NUP210L: variants seen among roughly 807,000 people sequenced by gnomAD.
NUP210L encodes nuclear pore membrane glycoprotein 210-like.
Under a neutral mutation model 208.5 loss-of-function variants are expected in NUP210L, and 74 were observed. The ratio of observed to expected loss-of-function variants is 0.35; its 90% CI spans 0.29 to 0.43. NUP210L has a LOEUF of 0.43. Ranked by LOEUF, NUP210L falls within the 20% of genes least tolerant of loss-of-function variation. NUP210L has a pLI of 1.00. For missense variants in NUP210L, 1,843 were observed against 2,289.4 expected (o/e 0.81, Z 3.98); for synonymous variants, 780 against 816.9 (o/e 0.95, Z 0.77).
rs139247987 is a variant in NUP210L at position 154,012,734 on chromosome 1, G to A, written c.4654-364C>T. 7.5e-3 allele frequency among the ~76,000 whole-genome samples: 1,134 copies of A among 151,966 alleles called. 13 individuals carry two copies. The highest frequency in any genetic ancestry group is 0.026 in the African/African-American group (1,090 of 41,456). On this transcript the variant is annotated intron_variant, in intron 33 of 39. Transcript: ENST00000368559. ...ACAAAAGACGGGGTCAGCCGCGCGC[G>A]GTGGCTCACGTCTGTAATCCCAGCA...
At chr1:154,111,395 A>T (rs1180381509) in intron 12 of NUP210L, among the ~76,000 whole-genome samples, 1 of 151,094 alleles carries the variant, frequency 6.6e-6, no homozygotes, top group Non-Finnish European at 1.5e-5. Context: ...AAACTAGATA[A>T]ATAAATAAAA....
At chr1:153,998,952 G>A (rs1650055368) in intron 37 of NUP210L, among the ~76,000 whole-genome samples, 1 of 151,992 alleles carries the variant, frequency 6.6e-6, no homozygotes, top group Non-Finnish European at 1.5e-5. Flanking sequence ...CTGAGCTCAA[G>A]TGATCCTCCA....
exon 23 of NUP210L, chr1:154,056,833 T>G: frequency 6.3e-7 from 1 of 1,589,084 alleles, no homozygotes. Context: ...GCCGAGGAGT[T>G]GATGTGTATT....
chr1:154,004,129 C>T (rs138397408), intron 35 of NUP210L, among the ~76,000 whole-genome samples: 4,880 of 140,542 alleles, frequency 0.035, 105 homozygotes, highest in Middle Eastern at 0.072. Context: ...AGTGCAGTGG[C>T]GCGATCTTGG....
intron 3 of NUP210L, among the ~76,000 whole-genome samples, chr1:154,142,212 AT>A (rs1198227983): frequency 6.6e-6 from 1 of 151,986 alleles, no homozygotes. Flanking sequence ...AAAAAAACAA[AT>A]CACTCATGTA....
At chr1:154,143,520 A>G in exon 3 of NUP210L, 1 of 1,613,992 alleles carries the variant, frequency 6.2e-7, no homozygotes, top group South Asian at 1.1e-5. Context: ...CCGAGATACA[A>G]TTTCAATGCT....
At chr1:154,091,052 CATT>C (rs146596636) in intron 15 of NUP210L, among the ~76,000 whole-genome samples, 13 of 141,642 alleles carry the variant, frequency 9.2e-5, no homozygotes, top group South Asian at 2.3e-4. Flanking sequence ...TTGTTGACAG[CATT>C]ATTATTATTA....
intron 16 of NUP210L, among the ~76,000 whole-genome samples, chr1:154,084,038 C>CTTTTT (rs34861266): frequency 5.5e-4 from 57 of 103,594 alleles, no homozygotes; most frequent in East Asian, 1.6e-3. Context: ...CTTTTCCTTT[C>CTTTTT]TTTTTTTTTT....
intron 34 of NUP210L, 108 bp downstream of exon 34, chr1:154,012,136 G>T: frequency 1.8e-6 from 2 of 1,110,182 alleles, no homozygotes; most frequent in Non-Finnish European, 2.6e-6. Flanking sequence ...GATGGAGTCA[G>T]TTTTGAAATA....
At position 154,025,164 on chromosome 1, in the gene NUP210L, G is replaced by A. The variant is rs567572740; in HGVS notation, c.4122+378C>T. On this transcript the variant is annotated intron_variant, in intron 30 of 39. Coordinates refer to ENST00000368559, the Ensembl canonical transcript of NUP210L. ...AGGATGGTCTCGATCTCCTGACCTCGTGATCCGCCTGCCTCAGCCTCCCAA... is the reference window on the plus strand; with the variant it reads ...AGGATGGTCTCGATCTCCTGACCTCATGATCCGCCTGCCTCAGCCTCCCAA... Among the ~76,000 whole-genome samples the A allele has an allele frequency of 9.9e-5, 15 of 151,610 alleles. No individual in the cohort carries two copies. The South Asian group carries it at 2.9e-3, about 29-fold the overall frequency.
rs2147971445 is a variant in NUP210L, at chr1:154,046,212, T to G, written c.3565-12A>C. The stretch of plus-strand genomic sequence containing the variant: ...ACATAAACTGGCATCTGAAAATAAA[T>G]AGCAGCATTGTGCTATATATTCTGC... On this transcript the variant is annotated splice_polypyrimidine_tract_variant and intron_variant, in intron 26 of 39. Coordinates refer to ENST00000368559, the Ensembl canonical transcript of NUP210L. 6.2e-7 allele frequency: 1 copy of G among 1,614,056 alleles called. No homozygotes were observed. Among genetic ancestry groups the G allele is most frequent in the African/African-American group, 1.3e-5 (1 of 75,010 alleles).
chr1:154,136,268 A>G (rs1658542537), intron 6 of NUP210L, among the ~76,000 whole-genome samples: 1 of 152,128 alleles, frequency 6.6e-6, no homozygotes, highest in Non-Finnish European at 1.5e-5. Context: ...CCTGGCCAAC[A>G]TGGTGAAACC....
chr1:154,058,790 T>C, intron 20 of NUP210L, 97 bp from the exon 21 acceptor site: 1 of 1,272,384 alleles, frequency 7.9e-7, no homozygotes, highest in Non-Finnish European at 1.1e-6. Context: ...GAAAACATCT[T>C]GCTTTCTTTG....
At chr1:154,083,807 T>C (rs894085575) in intron 16 of NUP210L, among the ~76,000 whole-genome samples, 1 of 151,792 alleles carries the variant, frequency 6.6e-6, no homozygotes, top group Non-Finnish European at 1.5e-5. Flanking sequence ...TGAGGTGGGA[T>C]TTGATAGAAT....
intron 32 of NUP210L, among the ~76,000 whole-genome samples, chr1:154,020,670 G>A (rs1416037696): frequency 6.6e-6 from 1 of 152,010 alleles, no homozygotes; most frequent in Non-Finnish European, 1.5e-5. Flanking sequence ...GGGACTACAG[G>A]CACATGCCAC....
In NUP210L at chr1:154,002,125, C is replaced by T. The variant is rs1326332648; in HGVS notation, c.4931-140G>A. The stretch of plus-strand genomic sequence containing the variant: ...GAATTTAGTTTTGAGTATTCAATAT[C>T]AGCACAATATTGGCCACTACGAGGA... On this transcript the variant is annotated intron_variant, in intron 35 of 39. Coordinates refer to ENST00000368559, the Ensembl canonical transcript of NUP210L. 3.6e-6 allele frequency: 3 copies of T among 832,898 alleles called. No individual in the cohort carries two copies. The East Asian group carries it at 8.0e-5, about 22-fold the overall frequency. 51.6% of individuals were successfully genotyped at this position (832,898 alleles called of 1,614,324 possible). A position where few individuals can be genotyped will look rare whatever the true frequency, so the allele number is the denominator to read the frequency against.
chr1:154,074,156 C>T (rs551430143), intron 16 of NUP210L, among the ~76,000 whole-genome samples: 7 of 152,104 alleles, frequency 4.6e-5, no homozygotes, highest in African/African-American at 1.7e-4. Context: ...GAGATCTCTC[C>T]AGTATAAAGG....
chr1:154,067,934 C>T (rs1420333699), intron 17 of NUP210L, among the ~76,000 whole-genome samples: 8 of 151,966 alleles, frequency 5.3e-5, no homozygotes, highest in South Asian at 2.1e-4. Context: ...CACTGCTTAA[C>T]GAAATAAAAG....
chr1:154,051,311 G>A (rs1056433162), intron 25 of NUP210L, among the ~76,000 whole-genome samples: 59 of 152,198 alleles, frequency 3.9e-4, no homozygotes, highest in African/African-American at 1.3e-3. Context: ...CTGGGTTCAC[G>A]CCATTCTCCT....
Sources: gnomAD v4.1 joint callset for allele counts (sites outside exome capture counted in the v4.1 genomes callset) on GRCh38, gnomAD v4.1.1 for gene constraint, MANE v1.5 for transcripts, NCBI Gene and HGNC (gene_info 2026-07-23, HGNC 2026-07-21) for gene names.